The following MARCHF1 variants were observed in gnomAD, a reference collection of about 807,000 sequenced individuals.
MARCHF1 encodes membrane associated ring-CH-type finger 1.
A neutral mutation model predicts 54.2 loss-of-function variants in MARCHF1; 40 were observed. The ratio of observed to expected loss-of-function variants is 0.74; its 90% confidence interval spans 0.57 to 0.96. The LOEUF is 0.96. MARCHF1 is among the 40% of genes least tolerant of loss of function. MARCHF1 has a pLI of 0.00. For synonymous variants in MARCHF1, 236 were observed against 236.3 expected, an observed-to-expected ratio of 1.00 and a Z score of 0.01; for missense variants, 586 against 656.5, an observed-to-expected ratio of 0.89 and a Z score of 1.17.
At chr4:163,794,022 T>G (rs999339703) in intron 4 of MARCHF1, among the ~76,000 whole-genome samples, 1 of 152,214 alleles carries the variant, frequency 6.6e-6, no homozygotes, top group Non-Finnish European at 1.5e-5. Context: ...AAGTTCAGTA[T>G]TATATTTTCT....
At chr4:163,937,290 A>T (rs1386625758) in intron 3 of MARCHF1, among the ~76,000 whole-genome samples, 1 of 152,118 alleles carries the variant, frequency 6.6e-6, no homozygotes, top group Non-Finnish European at 1.5e-5. Context: ...ATATACTCAC[A>T]TACCCAAATA....
chr4:163,594,347 ATATTTAGTATATT>A (rs1245802231), intron 7 of MARCHF1, among the ~76,000 whole-genome samples: 2 of 151,552 alleles, frequency 1.3e-5, no homozygotes, highest in Admixed American at 6.6e-5. Context: ...TATTTAGTAT[ATATTTAGTATATT>A]TATTTAGTAT....
At chr4:164,037,497 T>C (rs1447182064) in intron 2 of MARCHF1, among the ~76,000 whole-genome samples, 1 of 152,140 alleles carries the variant, frequency 6.6e-6, no homozygotes, top group Non-Finnish European at 1.5e-5. Context: ...ATAAAATAAA[T>C]TTCCATAAAT....
chr4:163,617,776 A>G (rs1211397729), intron 5 of MARCHF1, among the ~76,000 whole-genome samples: 3 of 152,150 alleles, frequency 2.0e-5, no homozygotes, highest in African/African-American at 7.2e-5. Context: ...GAAAAAAATT[A>G]ATGCAGCCCA....
chr4:164,126,795 G>A (rs1489398312), intron 1 of MARCHF1, among the ~76,000 whole-genome samples: 1 of 152,174 alleles, frequency 6.6e-6, no homozygotes, highest in Admixed American at 6.5e-5. Flanking sequence ...AGTGGCTCAT[G>A]CCTGTAATCC....
intron 3 of MARCHF1, among the ~76,000 whole-genome samples, chr4:163,905,237 A>G (rs1465718848): frequency 6.6e-6 from 1 of 152,010 alleles, no homozygotes; most frequent in Non-Finnish European, 1.5e-5. Flanking sequence ...AAATTATAAA[A>G]CAATCCTAAA....
At chr4:163,799,379 A>T (rs1157316100) in intron 4 of MARCHF1, among the ~76,000 whole-genome samples, 7 of 152,160 alleles carry the variant, frequency 4.6e-5, no homozygotes, top group African/African-American at 1.7e-4. Context: ...TACATCTTAT[A>T]GCAAGCTTGC....
At chr4:163,672,714 C>T (rs750261076) in intron 5 of MARCHF1, among the ~76,000 whole-genome samples, 3 of 152,154 alleles carry the variant, frequency 2.0e-5, no homozygotes, top group Non-Finnish European at 4.4e-5. Context: ...CAACAACAGA[C>T]ATTTATCACC....
At chr4:163,956,172 A>G (rs1752229275) in intron 3 of MARCHF1, among the ~76,000 whole-genome samples, 1 of 152,172 alleles carries the variant, frequency 6.6e-6, no homozygotes, top group South Asian at 2.1e-4. Flanking sequence ...TAGTAGCCTC[A>G]TAATATTTAT....
intron 8 of MARCHF1, among the ~76,000 whole-genome samples, chr4:163,556,670 T>C (rs1302120811): frequency 6.6e-6 from 1 of 151,970 alleles, no homozygotes; most frequent in African/African-American, 2.4e-5. Flanking sequence ...TCTACTCCAG[T>C]TTAAATGAGA....
chr4:164,094,469 G>C (rs567188978), intron 2 of MARCHF1, among the ~76,000 whole-genome samples: 2 of 152,138 alleles, frequency 1.3e-5, no homozygotes, highest in African/African-American at 2.4e-5. Context: ...AGTAAGATTT[G>C]AGCAGTGGAT....
intron 1 of MARCHF1, among the ~76,000 whole-genome samples, chr4:164,291,173 A>T (rs976890704): frequency 6.6e-6 from 1 of 151,952 alleles, no homozygotes; most frequent in Non-Finnish European, 1.5e-5. Context: ...AAATTTGGGT[A>T]CAGTTTTTCT....
At chr4:163,921,827 G>T (rs1751436498) in intron 3 of MARCHF1, among the ~76,000 whole-genome samples, 1 of 151,948 alleles carries the variant, frequency 6.6e-6, no homozygotes, top group Non-Finnish European at 1.5e-5. Flanking sequence ...AGGAATCTTG[G>T]AAATTGGCAA....
chr4:164,274,635 G>A (rs1204920372), intron 1 of MARCHF1, among the ~76,000 whole-genome samples: 2 of 134,294 alleles, frequency 1.5e-5, no homozygotes, highest in Non-Finnish European at 3.1e-5. Context: ...TCTACCTGTC[G>A]CTTGATGTGT....
chr4:163,758,148 A>G (rs1049113934), intron 4 of MARCHF1, among the ~76,000 whole-genome samples: 3 of 152,276 alleles, frequency 2.0e-5, no homozygotes, highest in East Asian at 3.9e-4. Flanking sequence ...TCCAAAACAA[A>G]TATTTTCATA....
chr4:163,969,758 A>G lies in MARCHF1; in HGVS notation c.-39+18743T>C, dbSNP rs576534685. Among the ~76,000 whole-genome samples the G allele has an allele frequency of 2.0e-5, 3 of 152,326 alleles. No homozygotes were observed. In the East Asian group the frequency reaches 5.8e-4, roughly 29 times the overall value. On this transcript the variant is annotated intron_variant, in intron 3 of 9. Coordinates refer to ENST00000514618, the MANE Select transcript of MARCHF1 (RefSeq NM_001394959.1). ...TATTAATCAATGCGTTTATCATTCA[A>G]AAAATGTACATTACAGTAGAAATTT...
At chr4:164,350,111 T>C (rs1418401955) in intron 1 of MARCHF1, among the ~76,000 whole-genome samples, 2 of 152,226 alleles carry the variant, frequency 1.3e-5, no homozygotes, top group Admixed American at 6.5e-5. Flanking sequence ...TAAACAAATA[T>C]ATACATATTT....
chr4:163,937,546 C>T (rs1751825558), intron 3 of MARCHF1, among the ~76,000 whole-genome samples: 2 of 151,744 alleles, frequency 1.3e-5, no homozygotes, highest in Non-Finnish European at 1.5e-5. Context: ...CATGCATGCA[C>T]ACATACACAC....
chr4:163,835,316 T>C (rs1749150952), intron 4 of MARCHF1, among the ~76,000 whole-genome samples: 1 of 152,228 alleles, frequency 6.6e-6, no homozygotes, highest in Non-Finnish European at 1.5e-5. Context: ...AAAATCCCAG[T>C]CAGAAATCTA....
Sources: allele counts gnomAD v4.1 joint callset (sites outside exome capture counted in the v4.1 genomes callset), GRCh38; gene constraint gnomAD v4.1.1; transcripts MANE v1.5; gene names NCBI Gene and HGNC (gene_info 2026-07-23, HGNC 2026-07-21).